Variants in MME observed in about 807,000 individuals in gnomAD.
The protein encoded by MME is membrane metalloendopeptidase.
Under a neutral mutation model 113.2 loss-of-function variants are expected in MME, and 98 were observed. The ratio of observed to expected loss-of-function variants is 0.87; its 90% CI spans 0.74 to 1.02. MME has a LOEUF of 1.02. Among genes scored for constraint, MME ranks in the 50% least tolerant of loss-of-function variants. The pLI, the probability that MME is intolerant of heterozygous loss-of-function variation, is 0.00. For missense variants in MME, 836 were observed against 896.0 expected (o/e 0.93, Z 0.86); for synonymous variants, 292 against 300.6 (o/e 0.97, Z 0.30).
chr3:155,152,760 G>A lies in MME; in HGVS notation c.1601+4107G>A, dbSNP rs558567196. ...GGAGGCTGAGGCAAGAAAATCACTT[G>A]AACCCAGGAGGTGGAGGTTGCAGTG... On this transcript the variant is annotated intron_variant, in intron 16 of 22. Transcript: ENST00000360490. 1.6e-3 allele frequency among the ~76,000 whole-genome samples: 241 copies of A among 151,848 alleles called. 1 individual carries two copies. Among genetic ancestry groups the A allele is most frequent in the Non-Finnish European group, 2.8e-3 (190 of 67,990 alleles).
At chr3:155,096,129 A>G (rs1019913559) in intron 3 of MME, among the ~76,000 whole-genome samples, 1 of 152,164 alleles carries the variant, frequency 6.6e-6, no homozygotes, top group African/African-American at 2.4e-5. Flanking sequence ...TAGAGAAGTA[A>G]CCAGGGCCCA....
At chr3:155,167,596 T>C (rs1223455968) in intron 18 of MME, among the ~76,000 whole-genome samples, 1 of 152,168 alleles carries the variant, frequency 6.6e-6, no homozygotes, top group Non-Finnish European at 1.5e-5. Context: ...AAAGAGGTGA[T>C]AGTTCAATCT....
At chr3:155,146,531 A>T (rs1721533555) in intron 14 of MME, among the ~76,000 whole-genome samples, 1 of 143,890 alleles carries the variant, frequency 6.9e-6, no homozygotes, top group East Asian at 2.0e-4. Flanking sequence ...GTCTCAAAAG[A>T]AAAAAAAAAA....
At chr3:155,077,732 C>A (rs566762454), upstream of MME, among the ~76,000 whole-genome samples, 6 of 150,592 alleles carry the variant, frequency 4.0e-5, no homozygotes, top group East Asian at 5.8e-4. Flanking sequence ...CGAACAACAG[C>A]AACAACAACA....
At chr3:155,099,053 C>A (rs1716986631) in intron 3 of MME, among the ~76,000 whole-genome samples, 1 of 152,060 alleles carries the variant, frequency 6.6e-6, no homozygotes, top group Non-Finnish European at 1.5e-5. Context: ...GCTATTGCAC[C>A]AAGTGATAAC....
chr3:155,061,656 T>C (rs1714151329), intron 1 of MME, among the ~76,000 whole-genome samples: 1 of 150,946 alleles, frequency 6.6e-6, no homozygotes, highest in Non-Finnish European at 1.5e-5. Context: ...ACAATTTATC[T>C]GTAGGTTTTT....
At position 155,147,047 on chromosome 3, in the gene MME, T is replaced by C. The variant is rs190016612; in HGVS notation, c.1417-97T>C. On this transcript the variant is annotated intron_variant, in intron 14 of 22. Coordinates refer to ENST00000360490, the MANE Select transcript of MME (RefSeq NM_007289.4). ...TCAGACACTCATTTTATGAACAGTA[T>C]GGATCAAGTTATTCAATTGCTAGTC... The C allele has an allele frequency of 2.0e-5, 16 of 788,254 alleles. No individual in the cohort carries two copies. The African/African-American group carries it at 2.7e-4, about 13-fold the overall frequency. 48.8% of individuals were successfully genotyped at this position (788,254 alleles called of 1,614,324 possible). A position where few individuals can be genotyped will look rare whatever the true frequency, so the allele number is the denominator to read the frequency against.
At chr3:155,141,881 A>T in intron 10 of MME, 110 bp from the exon 11 acceptor site, 1 of 1,159,348 alleles carries the variant, frequency 8.6e-7, no homozygotes, top group Non-Finnish European at 1.3e-6. Context: ...CAATTGAGGA[A>T]GAATCCCAAG....
At chr3:155,098,478 C>T (rs1407882452) in intron 3 of MME, among the ~76,000 whole-genome samples, 1 of 151,842 alleles carries the variant, frequency 6.6e-6, no homozygotes, top group Non-Finnish European at 1.5e-5. Flanking sequence ...ATCACTTGAA[C>T]CCAGGAGGTG....
intron 13 of MME, 53 bp from the exon 14 acceptor site, chr3:155,144,306 G>A: frequency 8.3e-7 from 1 of 1,197,646 alleles, no homozygotes; most frequent in Non-Finnish European, 1.2e-6. Context: ...TTAAAAATCT[G>A]TGTTACAAAG....
At chr3:155,070,742 C>T (rs1281420759) in intron 1 of MME, among the ~76,000 whole-genome samples, 3 of 152,150 alleles carry the variant, frequency 2.0e-5, no homozygotes, top group African/African-American at 7.2e-5. Context: ...CATATACTTT[C>T]CCACTCAGGA....
chr3:155,155,302 TC>T (rs1041645280), intron 16 of MME, among the ~76,000 whole-genome samples: 5 of 152,174 alleles, frequency 3.3e-5, no homozygotes, highest in African/African-American at 9.6e-5. Flanking sequence ...AATTAAAAGG[TC>T]CTAAACTTCC....
intron 14 of MME, among the ~76,000 whole-genome samples, chr3:155,146,530 GA>G (rs77441064): frequency 0.012 from 1,528 of 126,578 alleles, 10 homozygotes; most frequent in African/African-American, 0.03. Context: ...TGTCTCAAAA[GA>G]AAAAAAAAAA....
intron 12 of MME, 66 bp downstream of exon 12, chr3:155,142,396 AC>A (rs1483515123): frequency 3.9e-6 from 5 of 1,279,272 alleles, no homozygotes; most frequent in Non-Finnish European, 5.7e-6. Flanking sequence ...ATGAAGGCTT[AC>A]CATGTACACT....
intron 1 of MME, among the ~76,000 whole-genome samples, chr3:155,030,602 T>C (rs1019195593): frequency 6.6e-6 from 1 of 152,164 alleles, no homozygotes; most frequent in African/African-American, 2.4e-5. Flanking sequence ...ACCAAGAGTA[T>C]TTTTTCACAA....
At chr3:155,139,304 T>C (rs1299192574) in intron 9 of MME, among the ~76,000 whole-genome samples, 3 of 152,154 alleles carry the variant, frequency 2.0e-5, no homozygotes, top group East Asian at 3.9e-4. Context: ...ATTCTCACTC[T>C]TGTATTAGAT....
rs543489148 is a variant in MME at position 155,051,184 on chromosome 3, A to G, written c.-11+26860A>G. Among the ~76,000 whole-genome samples, 13 of 152,344 alleles carry G rather than the reference A, an allele frequency of 8.5e-5. 1 individual carries two copies. The highest frequency in any genetic ancestry group is 3.1e-4 in the African/African-American group (13 of 41,582). ...TCTAGAAGTAAGAACAAACATCCTGAACAATATTTTGCTGAAAAGATTACA... is the reference window on the plus strand; with the variant it reads ...TCTAGAAGTAAGAACAAACATCCTGGACAATATTTTGCTGAAAAGATTACA... On this transcript the variant is annotated intron_variant, in intron 1 of 22. Coordinates refer to the MME transcript ENST00000492661.
intron 2 of MME, 29 bp downstream of exon 2, chr3:155,084,356 T>C (rs977735553): frequency 6.2e-7 from 1 of 1,612,046 alleles, no homozygotes; most frequent in South Asian, 1.1e-5. Flanking sequence ...TGTGCATCCA[T>C]AAGTGCAAAA....
In MME at chr3:155,160,501, G is replaced by A. The variant is rs1258044305; in HGVS notation, c.1660+53G>A. ...AATATTTCTCTATCGTTCCCAACCT[G>A]TAGTGCATTGTATGACCAATTACAA... On this transcript the variant is annotated intron_variant, in intron 17 of 22. Coordinates refer to ENST00000360490, the MANE Select transcript of MME (RefSeq NM_007289.4). 3 of 1,185,772 alleles carry A rather than the reference G, an allele frequency of 2.5e-6. No homozygotes were observed. In the African/African-American group the frequency reaches 4.5e-5, roughly 18 times the overall value. 73.5% of individuals were successfully genotyped at this position (1,185,772 alleles called of 1,614,324 possible).
Sources: gnomAD v4.1 joint callset for allele counts (sites outside exome capture counted in the v4.1 genomes callset) on GRCh38, gnomAD v4.1.1 for gene constraint, MANE v1.5 for transcripts, NCBI Gene and HGNC (gene_info 2026-07-23, HGNC 2026-07-21) for gene names.